The following CLVS1 variants were observed in gnomAD, a reference collection of about 807,000 sequenced individuals.
CLVS1 encodes clavesin-1.
A neutral mutation model predicts 33.1 loss-of-function variants in CLVS1; 10 were observed. That is an observed-to-expected ratio of 0.30 (90% CI 0.19 to 0.51). The LOEUF is 0.51. Among genes scored for constraint, CLVS1 ranks in the 20% least tolerant of loss-of-function variants. CLVS1 has a pLI of 0.97. For missense variants in CLVS1, 343 were observed against 433.4 expected, an observed-to-expected ratio of 0.79 and a Z score of 1.85; for synonymous variants, 163 against 166.1, an observed-to-expected ratio of 0.98 and a Z score of 0.14.
intron 2 of CLVS1, among the ~76,000 whole-genome samples, chr8:61,356,405 G>T (rs1453480150): frequency 6.6e-6 from 1 of 152,086 alleles, no homozygotes; most frequent in East Asian, 1.9e-4. Context: ...CTATGCAGAA[G>T]CTCTTTTGTT....
chr8:61,173,653 C>G (rs777994481), intron 2 of CLVS1, among the ~76,000 whole-genome samples: 4 of 152,128 alleles, frequency 2.6e-5, no homozygotes, highest in African/African-American at 9.7e-5. Context: ...CAGCATATTG[C>G]CTAGAGAGTT....
intron 3 of CLVS1, among the ~76,000 whole-genome samples, chr8:61,452,720 C>G (rs1817006954): frequency 6.6e-6 from 1 of 152,138 alleles, no homozygotes; most frequent in Admixed American, 6.5e-5. Context: ...AGAAACAAAA[C>G]AAAACATATA....
the CLVS1 span, among the ~76,000 whole-genome samples, chr8:61,016,804 G>A: frequency 6.6e-6 from 1 of 152,202 alleles, no homozygotes; most frequent in Non-Finnish European, 1.5e-5. Context: ...GAACTGACAA[G>A]TATACCAGAA....
intron 2 of CLVS1, among the ~76,000 whole-genome samples, chr8:61,161,372 A>G (rs532763006): frequency 6.6e-6 from 1 of 152,340 alleles, no homozygotes; most frequent in South Asian, 2.1e-4. Context: ...TCCCACGTTC[A>G]TTGCAGCATT....
In CLVS1 at chr8:61,266,474, A is replaced by G. The variant is rs568405773; in HGVS notation, c.-151-33203A>G. Among the ~76,000 whole-genome samples the G allele has an allele frequency of 3.9e-5, 6 of 152,160 alleles. 1 individual carries two copies. The East Asian group carries it at 1.2e-3, about 29-fold the overall frequency. On this transcript the variant is annotated intron_variant, in intron 2 of 2. Coordinates refer to the CLVS1 transcript ENST00000522621. ...CTTGAGCCAGCAGACAGCCCCAGAGACTAGGTTGGCCTCTGGGTAAAACAT... is the reference window on the plus strand; with the variant it reads ...CTTGAGCCAGCAGACAGCCCCAGAGGCTAGGTTGGCCTCTGGGTAAAACAT...
the CLVS1 span, among the ~76,000 whole-genome samples, chr8:61,008,571 A>T: frequency 2.0e-5 from 3 of 150,926 alleles, no homozygotes; most frequent in East Asian, 5.8e-4. Context: ...GGTTCAAGTG[A>T]CTCTCCTGCC....
chr8:60,998,084 A>G, the CLVS1 span, among the ~76,000 whole-genome samples: 1 of 152,212 alleles, frequency 6.6e-6, no homozygotes, highest in Non-Finnish European at 1.5e-5. Flanking sequence ...GTCTCTCAGA[A>G]GAAAGGAACC....
chr8:61,205,164 T>C (rs766375407), intron 2 of CLVS1, among the ~76,000 whole-genome samples: 1 of 152,224 alleles, frequency 6.6e-6, no homozygotes, highest in Non-Finnish European at 1.5e-5. Flanking sequence ...AAATGTACCA[T>C]GTTAACCATT....
At chr8:61,070,873 G>A (rs1451057460) in intron 1 of CLVS1, among the ~76,000 whole-genome samples, 1 of 152,166 alleles carries the variant, frequency 6.6e-6, no homozygotes, top group Non-Finnish European at 1.5e-5. Context: ...GAGACTTGAA[G>A]GAGCACCTAT....
intron 2 of CLVS1, among the ~76,000 whole-genome samples, chr8:61,303,550 A>G (rs1810510509): frequency 6.6e-6 from 1 of 152,150 alleles, no homozygotes; most frequent in Admixed American, 6.6e-5. Context: ...CCCACTCCAC[A>G]TTTTTCAAAC....
At chr8:61,090,381 G>A (rs545729489) in intron 1 of CLVS1, among the ~76,000 whole-genome samples, 1 of 152,296 alleles carries the variant, frequency 6.6e-6, no homozygotes, top group Admixed American at 6.5e-5. Context: ...ACAGGTTTTT[G>A]AGAATGTTAC....
chr8:61,231,378 G>A (rs373920931), intron 2 of CLVS1, among the ~76,000 whole-genome samples: 6 of 152,126 alleles, frequency 3.9e-5, no homozygotes, highest in East Asian at 3.9e-4. Flanking sequence ...TTAGAATCAT[G>A]TGGGGAGTTG....
Position 61,323,151 on chromosome 8 carries a change from A to C in CLVS1, c.455+22869A>C, listed in dbSNP as rs187094980. Among the ~76,000 whole-genome samples, 445 of 152,248 alleles carry C rather than the reference A, an allele frequency of 2.9e-3. 4 individuals carry two copies. Among genetic ancestry groups the C allele is most frequent in the African/African-American group, 0.01 (430 of 41,564 alleles). The stretch of plus-strand genomic sequence containing the variant: ...GGAAGCCCACTCATGTGATGCATTA[A>C]TTTGGGAGCAGGGAGAGTGTCATTT... On this transcript the variant is annotated intron_variant, in intron 2 of 5. Transcript: ENST00000325897.
At chr8:61,498,434 G>C (rs1489955212) in intron 5 of CLVS1, among the ~76,000 whole-genome samples, 13 of 152,186 alleles carry the variant, frequency 8.5e-5, no homozygotes, top group Admixed American at 3.3e-4. Flanking sequence ...ATATATGTAA[G>C]TTTTACTTAT....
At chr8:61,132,683 G>A (rs1433337217) in intron 2 of CLVS1, among the ~76,000 whole-genome samples, 3 of 152,136 alleles carry the variant, frequency 2.0e-5, no homozygotes, top group South Asian at 2.1e-4. Context: ...CTGTAGTGAC[G>A]AGGCTTCCGC....
chr8:61,093,727 T>C (rs1805296119), intron 1 of CLVS1, among the ~76,000 whole-genome samples: 1 of 152,232 alleles, frequency 6.6e-6, no homozygotes, highest in African/African-American at 2.4e-5. Flanking sequence ...AGCTGCTTTT[T>C]CTTGGACCCC....
chr8:60,982,132 G>C, the CLVS1 span, among the ~76,000 whole-genome samples: 15 of 152,324 alleles, frequency 9.8e-5, no homozygotes, highest in East Asian at 2.7e-3. Flanking sequence ...GGGTCTGGCC[G>C]TAACAACAGA....
At chr8:61,223,450 T>G (rs1365890172) in intron 2 of CLVS1, among the ~76,000 whole-genome samples, 1 of 152,228 alleles carries the variant, frequency 6.6e-6, no homozygotes, top group African/African-American at 2.4e-5. Flanking sequence ...CTAGTTTCAC[T>G]GGATATGAAC....
the CLVS1 span, among the ~76,000 whole-genome samples, chr8:61,006,883 G>T: frequency 6.6e-6 from 1 of 152,114 alleles, no homozygotes; most frequent in Non-Finnish European, 1.5e-5. Context: ...AAACTGTAAA[G>T]GATTCAAAAT....
Sources: gnomAD v4.1 joint callset for allele counts (sites outside exome capture counted in the v4.1 genomes callset) on GRCh38, gnomAD v4.1.1 for gene constraint, MANE v1.5 for transcripts, NCBI Gene and HGNC (gene_info 2026-07-23, HGNC 2026-07-21) for gene names.